The following GLYAT variants were observed in gnomAD, a reference collection of about 807,000 sequenced individuals.
The protein encoded by GLYAT is glycine N-acyltransferase.
GLYAT carries 25 observed loss-of-function variants against 22.8 expected under a neutral mutation model. The observed-to-expected ratio is 1.09, with a 90% CI of 0.80 to 1.53. The LOEUF (loss-of-function observed/expected upper bound fraction) is 1.53, where lower values mean the gene tolerates loss of function less well. GLYAT is among the 40% of genes most tolerant of loss of function. GLYAT has a pLI of 0.00. For missense variants in GLYAT, 411 were observed against 353.9 expected (o/e 1.16, Z -1.29); for synonymous variants, 140 against 122.7 (o/e 1.14, Z -0.93).
chr11:58,711,193 G>T (rs1040529485), intron 4 of GLYAT, among the ~76,000 whole-genome samples: 1 of 152,160 alleles, frequency 6.6e-6, no homozygotes, highest in Non-Finnish European at 1.5e-5. Flanking sequence ...CATTCCACAA[G>T]TTACTTGCCC....
chr11:58,721,825 C>T lies in GLYAT; in HGVS notation c.81+2591G>A, dbSNP rs75126866. ...ATCTTTTTTTTTTCTCTTTTGCTAG[C>T]CATTTTCCTCCCACATCAGAGGTCT... On this transcript the variant is annotated intron_variant, in intron 2 of 5. Coordinates refer to ENST00000344743, the MANE Select transcript of GLYAT (RefSeq NM_201648.3). 4.7e-3 allele frequency among the ~76,000 whole-genome samples: 716 copies of T among 151,840 alleles called. 6 individuals carry two copies. The highest frequency in any genetic ancestry group is 0.02 in the Middle Eastern group (6 of 294).
rs2134476548 is a variant in GLYAT at position 58,709,551 on chromosome 11, C to T, written c.*215G>A. On this transcript the variant is annotated 3_prime_UTR_variant, in exon 6 of 6. Transcript: ENST00000344743. ...ATGTGGGGAGGTAAATTGCTTATGTCAAATGTAAGAGGACCTGGGCCTGCT... is the reference window on the plus strand; with the variant it reads ...ATGTGGGGAGGTAAATTGCTTATGTTAAATGTAAGAGGACCTGGGCCTGCT... 1.8e-5 allele frequency: 9 copies of T among 490,646 alleles called. 1 individual carries two copies. The South Asian group carries it at 3.8e-4, about 21-fold the overall frequency. 30.4% of individuals were successfully genotyped at this position (490,646 alleles called of 1,614,324 possible). A position where few individuals can be genotyped will look rare whatever the true frequency, so the allele number is the denominator to read the frequency against.
At chr11:58,720,113 G>C (rs1272468693) in intron 2 of GLYAT, among the ~76,000 whole-genome samples, 3 of 151,446 alleles carry the variant, frequency 2.0e-5, no homozygotes, top group Non-Finnish European at 2.9e-5. Context: ...TTTAGTCCTA[G>C]TCCCTTTTAC....
chr11:58,715,397 G>T lies in GLYAT; in HGVS notation c.108C>A (p.Asn36Lys). 6.3e-7 allele frequency: 1 copy of T among 1,583,844 alleles called. No individual in the cohort carries two copies. The highest frequency in any genetic ancestry group is 8.7e-7 in the Non-Finnish European group (1 of 1,155,768). Residue 36 changes from asparagine (N) to lysine (K), a missense_variant, in exon 3 of 6, where the codon AAC (asparagine) becomes AAA (lysine). Transcript: ENST00000344743. The part of the protein sequence containing the change: ...LKVYGTVFHI[N>K]HGNPFNLKAV... ...CCTTCAGATTGAATGGATTTCCATG[G>T]TTTATGTGAAAGACAGTTCCATAAA...
Position 58,723,657 on chromosome 11 carries a change from C to T in GLYAT, c.81+759G>A, listed in dbSNP as rs531513714. The stretch of plus-strand genomic sequence containing the variant: ...AGATACACACACACATATACATGAA[C>T]AATTGTACTTGGGTTCCATTGGAGT... On this transcript the variant is annotated intron_variant, in intron 2 of 5. Transcript: ENST00000344743. 9.9e-5 allele frequency among the ~76,000 whole-genome samples: 15 copies of T among 151,966 alleles called. No homozygotes were observed. The East Asian group carries it at 2.1e-3, about 22-fold the overall frequency.
At chr11:58,715,517 C>T (rs1328133594) in intron 2 of GLYAT, 94 bp from the exon 3 acceptor site, 2 of 651,524 alleles carry the variant, frequency 3.1e-6, no homozygotes. Flanking sequence ...TCTATAAAAT[C>T]ATGACATTTT....
At chr11:58,718,041 G>T (rs539334710) in intron 2 of GLYAT, among the ~76,000 whole-genome samples, 4 of 151,930 alleles carry the variant, frequency 2.6e-5, no homozygotes, top group Non-Finnish European at 5.9e-5. Flanking sequence ...CAGAAATCCT[G>T]TACAGGGACT....
At chr11:58,725,138 T>C (rs1024462826) in intron 1 of GLYAT, among the ~76,000 whole-genome samples, 2 of 152,164 alleles carry the variant, frequency 1.3e-5, no homozygotes, top group African/African-American at 4.8e-5. Flanking sequence ...ATGGTCTAAA[T>C]ATAAACAATT....
intron 2 of GLYAT, among the ~76,000 whole-genome samples, chr11:58,716,644 C>T (rs673192): frequency 0.97 from 147,825 of 152,238 alleles, 71,882 homozygotes; most frequent in African/African-American, 0.99. Context: ...TATTTTTTCT[C>T]ATTGTTGTGG....
chr11:58,725,508 C>A (rs990025301), intron 1 of GLYAT, among the ~76,000 whole-genome samples: 4 of 152,036 alleles, frequency 2.6e-5, no homozygotes, highest in African/African-American at 7.2e-5. Context: ...AACTAGGTAA[C>A]CTTGTGATTT....
chr11:58,723,729 C>T (rs1336862313), intron 2 of GLYAT, among the ~76,000 whole-genome samples: 1 of 151,950 alleles, frequency 6.6e-6, no homozygotes, highest in Non-Finnish European at 1.5e-5. Context: ...AGACAAGAAT[C>T]TGACTCTATC....
intron 1 of GLYAT, among the ~76,000 whole-genome samples, chr11:58,729,261 G>C (rs1856847565): frequency 6.6e-6 from 1 of 152,098 alleles, no homozygotes. Context: ...ACCCCTTCAA[G>C]TTTACCCGAA....
intron 1 of GLYAT, among the ~76,000 whole-genome samples, chr11:58,727,926 G>A (rs1004416530): frequency 2.0e-5 from 3 of 151,920 alleles, no homozygotes; most frequent in South Asian, 4.2e-4. Flanking sequence ...CAAGAGCCCA[G>A]AAATAAGCCA....
chr11:58,724,144 G>T (rs1253524778), intron 2 of GLYAT: 1 of 316,178 alleles, frequency 3.2e-6, no homozygotes, highest in African/African-American at 2.1e-5. Flanking sequence ...AAAAGGCAGT[G>T]TTTAGACTAA....
At chr11:58,716,181 A>T (rs1261921923) in intron 2 of GLYAT, among the ~76,000 whole-genome samples, 1 of 152,106 alleles carries the variant, frequency 6.6e-6, no homozygotes, top group Non-Finnish European at 1.5e-5. Context: ...AATGAGTGAG[A>T]GTAAACCCCA....
intron 4 of GLYAT, among the ~76,000 whole-genome samples, chr11:58,711,594 C>T (rs1856617451): frequency 6.6e-6 from 1 of 152,112 alleles, no homozygotes; most frequent in African/African-American, 2.4e-5. Flanking sequence ...GCACTGGAAC[C>T]AAGTTTTCTG....
rs778950033 is a variant in GLYAT, at chr11:58,710,166, T to A, written c.491A>T (p.Asn164Ile). ...GGATGAGAGTTTAAACATCTCTTGG[T>A]TGCTATGGAGGGTCCAAGAAGAAAA... ...SPNGGKPKAI[N>I]QEMFKLSSMD... is the part of the protein sequence containing the mutation. The change falls in exon 6 of 6, where the codon AAC becomes ATC. Residue 164 changes from asparagine to isoleucine, a missense_variant and splice_region_variant. Physicochemically the swap from Asn to Ile is moderately radical, Grantham distance 149. Transcript: ENST00000344743. 1.2e-6 allele frequency: 2 copies of A among 1,610,830 alleles called. No individual in the cohort carries two copies. Among genetic ancestry groups the A allele is most frequent in the Non-Finnish European group, 8.5e-7 (1 of 1,178,068 alleles).
Position 58,710,773 on chromosome 11 carries a change from A to G in GLYAT, c.317-12T>C, listed in dbSNP as rs762129327. 6.8e-7 allele frequency: 1 copy of G among 1,465,524 alleles called. No individual in the cohort carries two copies. The highest frequency in any genetic ancestry group is 1.1e-5 in the South Asian group (1 of 88,056). 90.8% of individuals were successfully genotyped at this position (1,465,524 alleles called of 1,614,324 possible). On this transcript the variant is annotated splice_polypyrimidine_tract_variant and intron_variant, in intron 4 of 5. Coordinates refer to ENST00000344743, the MANE Select transcript of GLYAT (RefSeq NM_201648.3). Reference sequence around the variant, plus strand: ...GCTAGGCTGTGAACCTAGACGGTATAATAAACAGAGATGAAATGGTTTAGG... The same window carrying G: ...GCTAGGCTGTGAACCTAGACGGTATGATAAACAGAGATGAAATGGTTTAGG...
In GLYAT at chr11:58,715,401, A is replaced by G; in HGVS notation, c.104T>C (p.Ile35Thr). The stretch of plus-strand genomic sequence containing the variant: ...CAGATTGAATGGATTTCCATGGTTT[A>G]TGTGAAAGACAGTTCCATAAACCTG... ...SLKVYGTVFH[I>T]NHGNPFNLKA... Residue 35 changes from isoleucine (I) to threonine (T), a missense_variant, in exon 3 of 6, where the codon ATA becomes ACA. By Grantham distance (89) the Ile-to-Thr change is moderately conservative. Transcript: ENST00000344743. The G allele has an allele frequency of 3.2e-6, 5 of 1,584,242 alleles. No individual in the cohort carries two copies. The highest frequency in any genetic ancestry group is 4.3e-6 in the Non-Finnish European group (5 of 1,153,396).
Sources: allele counts gnomAD v4.1 joint callset (sites outside exome capture counted in the v4.1 genomes callset), GRCh38; gene constraint gnomAD v4.1.1; transcripts MANE v1.5; gene names NCBI Gene and HGNC (gene_info 2026-07-23, HGNC 2026-07-21).